Variants in FBXL18 observed in about 807,000 individuals in gnomAD.
FBXL18 encodes the protein F-box/LRR-repeat protein 18.
Under a neutral mutation model 46.0 loss-of-function variants are expected in FBXL18, and 36 were observed. That is an observed-to-expected ratio of 0.78 (90% CI 0.60 to 1.03). FBXL18 has a LOEUF of 1.03. FBXL18 is among the 50% of genes least tolerant of loss of function. FBXL18 has a pLI of 0.00. For missense variants in FBXL18, 977 were observed against 1,004.1 expected (o/e 0.97, Z 0.36); for synonymous variants, 557 against 465.3 (o/e 1.20, Z -2.54).
intron 4 of FBXL18, chr7:5,490,050 G>C (rs565688064): frequency 7.4e-7 from 1 of 1,345,772 alleles, no homozygotes; most frequent in Admixed American, 2.0e-5. Context: ...CCCCAACCAG[G>C]ATTATTCCTG....
chr7:5,471,440 T>C (rs908999275), downstream of FBXL18, among the ~76,000 whole-genome samples: 6 of 151,870 alleles, frequency 4.0e-5, no homozygotes, highest in East Asian at 1.9e-4. Context: ...CCACACCCAG[T>C]TAATTTTTTG....
chr7:5,465,819 A>ATT (rs763542928), intron 4 of FBXL18, among the ~76,000 whole-genome samples: 164 of 142,238 alleles, frequency 1.2e-3, no homozygotes, highest in African/African-American at 3.9e-3. Context: ...TACCTCCTAA[A>ATT]TTTTTTTTTT....
intron 3 of FBXL18, among the ~76,000 whole-genome samples, chr7:5,495,571 C>G (rs1269217594): frequency 1.3e-5 from 2 of 152,196 alleles, no homozygotes; most frequent in African/African-American, 4.8e-5. Flanking sequence ...CCAGCAAGCA[C>G]AAAGCTGGGG....
At chr7:5,485,051 C>A (rs10215480) in intron 4 of FBXL18, among the ~76,000 whole-genome samples, 90 of 152,108 alleles carry the variant, frequency 5.9e-4, no homozygotes, top group South Asian at 1.9e-3. Flanking sequence ...CAAAGCACTG[C>A]GATGACAGGT....
intron 1 of FBXL18, among the ~76,000 whole-genome samples, chr7:5,512,943 G>A (rs1283889855): frequency 2.0e-5 from 3 of 152,062 alleles, no homozygotes; most frequent in Non-Finnish European, 4.4e-5. Flanking sequence ...CTAAATCTGC[G>A]AAGTGCACCC....
intron 4 of FBXL18, among the ~76,000 whole-genome samples, chr7:5,467,170 T>G (rs1451514869): frequency 6.6e-6 from 1 of 152,036 alleles, no homozygotes; most frequent in Non-Finnish European, 1.5e-5. Context: ...GCTTACACAG[T>G]GAAACCCCGT....
At chr7:5,511,262 C>T (rs895849707) in intron 1 of FBXL18, among the ~76,000 whole-genome samples, 1 of 151,718 alleles carries the variant, frequency 6.6e-6, no homozygotes, top group Non-Finnish European at 1.5e-5. Context: ...CGGTGAAACC[C>T]CGTCTCTACT....
chr7:5,492,798 C>T (rs1390186765), intron 3 of FBXL18, among the ~76,000 whole-genome samples: 3 of 152,084 alleles, frequency 2.0e-5, no homozygotes, highest in African/African-American at 7.2e-5. Flanking sequence ...CAGTGCCAGG[C>T]GTGGCTGGCA....
At chr7:5,489,296 G>T (rs762190412) in intron 4 of FBXL18, 5 of 518,784 alleles carry the variant, frequency 9.6e-6, no homozygotes, top group Non-Finnish European at 1.9e-5. Context: ...TCATTCTCCA[G>T]GGAAAGTTGG....
chr7:5,484,969 A>T (rs1359887882), intron 4 of FBXL18, among the ~76,000 whole-genome samples: 1 of 151,762 alleles, frequency 6.6e-6, no homozygotes, highest in African/African-American at 2.4e-5. Context: ...TTTTGTAGAG[A>T]CAGGATCTCA....
Position 5,480,544 on chromosome 7 carries a change from ATATATTTTTTT to A in FBXL18, c.*1220_*1230del, listed in dbSNP as rs1429239542. 23 of 61,882 alleles carry A rather than the reference ATATATTTTTTT, an allele frequency of 3.7e-4. No homozygotes were observed. Among genetic ancestry groups the A allele is most frequent in the South Asian group, 1.1e-3 (2 of 1,798 alleles). 3.8% of individuals were successfully genotyped at this position (61,882 alleles called of 1,614,324 possible). On this transcript the variant is annotated 3_prime_UTR_variant, in exon 5 of 5. Transcript: ENST00000382368. ...GTGTGTTGAATATATATATATATAT[ATATATTTTTTT>A]TTTTTTTTTTTTTTTTTTTTTTTTT... is the stretch of plus-strand genomic sequence containing the variant.
intron 4 of FBXL18, among the ~76,000 whole-genome samples, chr7:5,456,618 G>C (rs903348928): frequency 6.7e-6 from 1 of 149,220 alleles, no homozygotes; most frequent in African/African-American, 2.5e-5. Flanking sequence ...GGCAGGCCAA[G>C]GGCAGAGAAC....
intron 1 of FBXL18, among the ~76,000 whole-genome samples, chr7:5,511,480 C>T (rs1288854200): frequency 6.6e-6 from 1 of 152,056 alleles, no homozygotes; most frequent in African/African-American, 2.4e-5. Context: ...GTGGCACGCG[C>T]CTGTAATCCC....
rs1238637595 is a variant in FBXL18 at position 5,479,495 on chromosome 7, G to A, written c.*2280C>T. On this transcript the variant is annotated 3_prime_UTR_variant, in exon 5 of 5. Coordinates refer to ENST00000382368, the MANE Select transcript of FBXL18 (RefSeq NM_024963.6). ...CAGGAGGCACCACACCACCCGATCT[G>A]ATCGCCGCGCCTGGTGGTCTCCAGG... The A allele has an allele frequency of 2.0e-5, 3 of 152,266 alleles. No individual in the cohort carries two copies. The highest frequency in any genetic ancestry group is 2.9e-5 in the Non-Finnish European group (2 of 68,078). 9.4% of individuals were successfully genotyped at this position (152,266 alleles called of 1,614,324 possible). A position where few individuals can be genotyped will look rare whatever the true frequency, so the allele number is the denominator to read the frequency against.
intron 4 of FBXL18, 35 bp downstream of exon 4, chr7:5,491,196 G>A (rs3801057): frequency 0.49 from 772,288 of 1,561,814 alleles, 193,328 homozygotes; most frequent in East Asian, 0.71. Context: ...TGATTTCTGC[G>A]GCCCCTGAAG....
intron 4 of FBXL18, among the ~76,000 whole-genome samples, chr7:5,464,869 G>C (rs1376636622): frequency 6.6e-6 from 1 of 151,696 alleles, no homozygotes; most frequent in African/African-American, 2.4e-5. Flanking sequence ...TTTGAGACCA[G>C]CCTGGACAAC....
intron 2 of FBXL18, among the ~76,000 whole-genome samples, chr7:5,503,593 C>T (rs995218869): frequency 6.6e-6 from 1 of 151,402 alleles, no homozygotes; most frequent in Non-Finnish European, 1.5e-5. Context: ...ATCCTGAGTT[C>T]ATGTGATCCA....
At chr7:5,474,686 T>TTTTTTTTTTTTATTTATTTATTTATTTA (rs1554317766), downstream of FBXL18, among the ~76,000 whole-genome samples, 1 of 39,396 alleles carries the variant, frequency 2.5e-5, no homozygotes, top group African/African-American at 9.8e-5. Context: ...GCACTTTATT[T>TTTTTTTTTTTTATTTATTTATTTATTTA]TTTATTTATT....
intron 1 of FBXL18, among the ~76,000 whole-genome samples, chr7:5,509,517 A>G (rs1309734999): frequency 1.3e-5 from 2 of 151,888 alleles, no homozygotes; most frequent in Non-Finnish European, 2.9e-5. Flanking sequence ...ATATGGTGAA[A>G]CCCCATGTCT....
Sources: gnomAD v4.1 joint callset for allele counts (sites outside exome capture counted in the v4.1 genomes callset) on GRCh38, gnomAD v4.1.1 for gene constraint, MANE v1.5 for transcripts, NCBI Gene and HGNC (gene_info 2026-07-23, HGNC 2026-07-21) for gene names.